The following M1AP variants were observed in gnomAD, a reference collection of about 807,000 sequenced individuals.
The protein encoded by M1AP is meiosis 1 arrest protein.
M1AP carries 39 observed loss-of-function variants against 51.2 expected under a neutral mutation model. That is an observed-to-expected ratio of 0.76 (90% CI 0.59 to 1.00). M1AP has a LOEUF of 1.00. M1AP is among the 50% of genes least tolerant of loss of function. The pLI is 0.00. For missense variants in M1AP, 545 were observed against 641.2 expected, an observed-to-expected ratio of 0.85 and a Z score of 1.62; for synonymous variants, 251 against 249.2, an observed-to-expected ratio of 1.01 and a Z score of -0.07.
At chr2:74,603,597 G>T (rs1680797683) in intron 4 of M1AP, among the ~76,000 whole-genome samples, 1 of 152,198 alleles carries the variant, frequency 6.6e-6, no homozygotes, top group Non-Finnish European at 1.5e-5. Flanking sequence ...AAGGAATTCA[G>T]AGAGAAGAAG....
intron 2 of M1AP, among the ~76,000 whole-genome samples, chr2:74,638,183 T>A (rs942887139): frequency 6.6e-6 from 1 of 151,726 alleles, no homozygotes; most frequent in African/African-American, 2.4e-5. Context: ...GCCTCCCGAG[T>A]AGCTGGGATT....
intron 2 of M1AP, among the ~76,000 whole-genome samples, chr2:74,631,386 GA>G (rs1234261267): frequency 6.6e-6 from 1 of 151,994 alleles, no homozygotes; most frequent in African/African-American, 2.4e-5. Context: ...CACCACTATA[GA>G]AATGACAAAA....
intron 2 of M1AP, among the ~76,000 whole-genome samples, chr2:74,637,453 C>G (rs1683050299): frequency 6.6e-6 from 1 of 152,142 alleles, no homozygotes; most frequent in Non-Finnish European, 1.5e-5. Context: ...TCATAATTTC[C>G]TGCTTCTTTG....
At position 74,614,990 on chromosome 2, in the gene M1AP, C is replaced by T; in HGVS notation, c.400G>A (p.Ala134Thr). The T allele has an allele frequency of 6.2e-7, 1 of 1,614,138 alleles. No individual in the cohort carries two copies. The highest frequency in any genetic ancestry group is 8.5e-7 in the Non-Finnish European group (1 of 1,180,016). Residue 134 changes from alanine to threonine, a missense_variant, in exon 3 of 11, where the codon GCA (alanine) becomes ACA (threonine). Transcript: ENST00000421985. ...TCCAGGGAGGTATAGGTCAGAGCTG[C>T]CCTTGTGGTCACATGTCTGCTGTAT... ...KQYSRHVTTR[A>T]ALTYTSLEIT... is the part of the protein sequence containing the mutation.
intron 2 of M1AP, among the ~76,000 whole-genome samples, chr2:74,632,971 A>C (rs1165919623): frequency 6.6e-6 from 1 of 152,162 alleles, no homozygotes; most frequent in Non-Finnish European, 1.5e-5. Context: ...CTCATTTCCT[A>C]AGAAACCTCT....
At chr2:74,561,145 G>C (rs1573052884) in intron 8 of M1AP, among the ~76,000 whole-genome samples, 5 of 126,838 alleles carry the variant, frequency 3.9e-5, no homozygotes, top group Non-Finnish European at 7.1e-5. Flanking sequence ...GGAGGAGAAG[G>C]AGGAGGAGAA....
chr2:74,571,161 T>C (rs1299427182), intron 7 of M1AP, among the ~76,000 whole-genome samples: 1 of 152,092 alleles, frequency 6.6e-6, no homozygotes. Flanking sequence ...GGAAGCCAGT[T>C]AGGAGTTTAC....
intron 8 of M1AP, among the ~76,000 whole-genome samples, chr2:74,561,163 GAGGAGAAGGAGGAGGAGGAGA>G (rs1677944865): frequency 7.5e-6 from 1 of 133,246 alleles, no homozygotes; most frequent in Non-Finnish European, 1.7e-5. Flanking sequence ...GAAGGAGGAG[GAGGAGAAGGAGGAGGAGGAGA>G]AGGAGGAGGA....
Position 74,615,081 on chromosome 2 carries a change from C to T in M1AP, c.309G>A (p.Gly103=). Residue 103 remains glycine (G), a synonymous_variant, in exon 3 of 11, where the codon GGG becomes GGA. Coordinates refer to ENST00000421985, the MANE Select transcript of M1AP (RefSeq NM_001321739.2). ...ISELRMLQRE[G]CFRSQGASLR... ...GAGAAGCACCTTGTGATCTGAAACA[C>T]CCTTCTCTCTGTAACATGCGGAGTT... is the stretch of plus-strand genomic sequence containing the variant. 1 of 1,614,196 alleles carries T rather than the reference C, an allele frequency of 6.2e-7. No individual in the cohort carries two copies.
intron 2 of M1AP, among the ~76,000 whole-genome samples, chr2:74,625,107 A>T (rs1682290354): frequency 6.6e-6 from 1 of 152,084 alleles, no homozygotes; most frequent in Non-Finnish European, 1.5e-5. Flanking sequence ...GTCACAGAAA[A>T]TTTTTGCCAA....
chr2:74,570,053 C>A (rs143903429), intron 7 of M1AP, among the ~76,000 whole-genome samples: 23 of 152,130 alleles, frequency 1.5e-4, no homozygotes, highest in Non-Finnish European at 2.8e-4. Context: ...ATACACAAAT[C>A]ACTTTAAAAT....
chr2:74,646,938 C>T (rs1194201961), intron 1 of M1AP, among the ~76,000 whole-genome samples: 1 of 152,140 alleles, frequency 6.6e-6, no homozygotes, highest in Non-Finnish European at 1.5e-5. Context: ...AGCTCTCTTC[C>T]TTACATCCTC....
intron 4 of M1AP, among the ~76,000 whole-genome samples, chr2:74,594,145 T>G (rs1680195989): frequency 6.6e-6 from 1 of 152,188 alleles, no homozygotes; most frequent in South Asian, 2.1e-4. Context: ...TTTAACAAAG[T>G]TAATTTTCTG....
chr2:74,566,024 A>G (rs376234114), intron 7 of M1AP, among the ~76,000 whole-genome samples: 1 of 152,160 alleles, frequency 6.6e-6, no homozygotes, highest in East Asian at 1.9e-4. Flanking sequence ...CTCTAACATC[A>G]GAAACAAGGC....
chr2:74,641,880 T>C (rs1683318473), intron 1 of M1AP, among the ~76,000 whole-genome samples: 1 of 151,704 alleles, frequency 6.6e-6, no homozygotes, highest in African/African-American at 2.4e-5. Context: ...AGTTTCACTC[T>C]TGTTGCCCAG....
intron 8 of M1AP, chr2:74,561,795 T>G (rs751105425): frequency 3.2e-5 from 23 of 709,620 alleles, no homozygotes; most frequent in Non-Finnish European, 4.0e-5. Flanking sequence ...GCTGGTGTTG[T>G]GGCTTCCTCC....
intron 2 of M1AP, chr2:74,620,721 G>C: frequency 4.6e-6 from 1 of 215,982 alleles, no homozygotes; most frequent in African/African-American, 2.3e-5. Context: ...GGGAAGTACA[G>C]AGTTAGTACA....
At chr2:74,626,545 G>C (rs573385141) in intron 2 of M1AP, among the ~76,000 whole-genome samples, 4 of 152,148 alleles carry the variant, frequency 2.6e-5, no homozygotes, top group Non-Finnish European at 5.9e-5. Context: ...AGGCATGAAC[G>C]AACACGCCCA....
rs918263308 is a variant in M1AP, at chr2:74,641,802, T to C, written c.-52-1475A>G. Reference sequence around the variant, plus strand: ...AGAATTTCAATCTTAAACAAATTATTTTAAGAACAGAAGAACATATATAAC... The same window carrying C: ...AGAATTTCAATCTTAAACAAATTATCTTAAGAACAGAAGAACATATATAAC... On this transcript the variant is annotated intron_variant, in intron 1 of 10. Coordinates refer to ENST00000421985, the MANE Select transcript of M1AP (RefSeq NM_001321739.2). 4.0e-5 allele frequency among the ~76,000 whole-genome samples: 6 copies of C among 150,912 alleles called. No individual in the cohort carries two copies. In the East Asian group the frequency reaches 1.2e-3, roughly 30 times the overall value.
Sources: allele counts gnomAD v4.1 joint callset (sites outside exome capture counted in the v4.1 genomes callset), GRCh38; gene constraint gnomAD v4.1.1; transcripts MANE v1.5; gene names NCBI Gene and HGNC (gene_info 2026-07-23, HGNC 2026-07-21).